The following FGF14 variants were observed in gnomAD, a reference collection of about 807,000 sequenced individuals.
FGF14 encodes the protein fibroblast growth factor 14.
In FGF14, 5 loss-of-function variants were observed where a neutral mutation model predicts 25.5. The ratio of observed to expected loss-of-function variants is 0.20; its 90% CI spans 0.10 to 0.41. FGF14 has a LOEUF of 0.41. Among genes scored for constraint, FGF14 ranks in the 10% least tolerant of loss-of-function variants. The pLI is 1.00. For synonymous variants in FGF14, 138 were observed against 118.3 expected, an observed-to-expected ratio of 1.17 and a Z score of -1.08; for missense variants, 222 against 320.1, an observed-to-expected ratio of 0.69 and a Z score of 2.34.
intron 3 of FGF14, among the ~76,000 whole-genome samples, chr13:101,727,346 T>A (rs1019078659): frequency 6.6e-6 from 1 of 152,120 alleles, no homozygotes; most frequent in East Asian, 1.9e-4. Context: ...TGCCAGCCAC[T>A]AGAGCTATTG....
intron 1 of FGF14, among the ~76,000 whole-genome samples, chr13:102,091,165 T>C (rs2044147233): frequency 6.6e-6 from 1 of 152,192 alleles, no homozygotes; most frequent in Non-Finnish European, 1.5e-5. Context: ...GTGGTTATAA[T>C]GGGTAACTCT....
At chr13:102,097,083 A>G (rs190071654) in intron 1 of FGF14, among the ~76,000 whole-genome samples, 1 of 152,184 alleles carries the variant, frequency 6.6e-6, no homozygotes, top group African/African-American at 2.4e-5. Context: ...CACAAAAACA[A>G]AAACCTATAT....
intron 1 of FGF14, among the ~76,000 whole-genome samples, chr13:101,962,628 A>T (rs566257530): frequency 2.6e-5 from 4 of 152,326 alleles, no homozygotes; most frequent in African/African-American, 9.6e-5. Context: ...TTTTCACTGA[A>T]ATTGTAAAAT....
chr13:102,282,731 A>T (rs2053906884), intron 1 of FGF14, among the ~76,000 whole-genome samples: 1 of 152,114 alleles, frequency 6.6e-6, no homozygotes, highest in South Asian at 2.1e-4. Flanking sequence ...TATTAGAAAC[A>T]CTTCACACCT....
At chr13:102,160,394 T>A (rs1224322643) in intron 1 of FGF14, among the ~76,000 whole-genome samples, 1 of 152,132 alleles carries the variant, frequency 6.6e-6, no homozygotes, top group Non-Finnish European at 1.5e-5. Context: ...AGCAGCCTCA[T>A]CAAACCACCT....
intron 1 of FGF14, among the ~76,000 whole-genome samples, chr13:101,932,013 A>T (rs2034783848): frequency 6.6e-6 from 1 of 152,232 alleles, no homozygotes; most frequent in African/African-American, 2.4e-5. Context: ...TCAATGCCAA[A>T]TATTAAGATA....
chr13:102,276,353 G>GTATA (rs10574334), intron 1 of FGF14, among the ~76,000 whole-genome samples: 48 of 103,284 alleles, frequency 4.6e-4, no homozygotes, highest in Admixed American at 7.7e-4. Context: ...GTGTGTGTGT[G>GTATA]TATATATATA....
At chr13:101,935,183 T>G (rs1266521419) in intron 1 of FGF14, among the ~76,000 whole-genome samples, 1 of 152,240 alleles carries the variant, frequency 6.6e-6, no homozygotes, top group Non-Finnish European at 1.5e-5. Flanking sequence ...TTTCCTGAAA[T>G]GAGGCTTAGG....
At chr13:102,238,622 G>A (rs1029121554) in intron 1 of FGF14, among the ~76,000 whole-genome samples, 19 of 152,158 alleles carry the variant, frequency 1.2e-4, no homozygotes, top group Non-Finnish European at 2.2e-4. Flanking sequence ...ATATTTTCAC[G>A]AGAAGTATTT....
chr13:102,364,835 CT>C (rs2057663958), intron 1 of FGF14, among the ~76,000 whole-genome samples: 1 of 152,138 alleles, frequency 6.6e-6, no homozygotes, highest in African/African-American at 2.4e-5. Flanking sequence ...AAACAACTGT[CT>C]ATGGGAGAAA....
intron 1 of FGF14, among the ~76,000 whole-genome samples, chr13:101,987,562 C>T (rs1158806075): frequency 6.6e-6 from 1 of 152,098 alleles, no homozygotes; most frequent in African/African-American, 2.4e-5. Context: ...CTTTTTATCA[C>T]ATAATTTATA....
At chr13:102,395,449 G>A (rs1376257798) in intron 1 of FGF14, 1 of 152,152 alleles carries the variant, frequency 6.6e-6, no homozygotes, top group Non-Finnish European at 1.5e-5. Flanking sequence ...AGACTGAGAA[G>A]GAAGCTATAA....
chr13:102,383,191 C>A (rs998587371), intron 1 of FGF14, among the ~76,000 whole-genome samples: 4 of 149,992 alleles, frequency 2.7e-5, no homozygotes, highest in African/African-American at 2.5e-5. Flanking sequence ...GAATTGTGAT[C>A]AATTATACCA....
At chr13:101,748,115 G>A (rs1464768113) in intron 3 of FGF14, among the ~76,000 whole-genome samples, 1 of 151,560 alleles carries the variant, frequency 6.6e-6, no homozygotes. Context: ...CCCACTACTG[G>A]GTCTATATCC....
chr13:101,915,199 C>T (rs954894562), intron 1 of FGF14, among the ~76,000 whole-genome samples: 3 of 152,036 alleles, frequency 2.0e-5, no homozygotes, highest in South Asian at 4.1e-4. Flanking sequence ...AATGTGACAA[C>T]AAGAAATTGT....
chr13:102,329,210 C>T (rs879540336), intron 1 of FGF14, among the ~76,000 whole-genome samples: 2 of 152,162 alleles, frequency 1.3e-5, no homozygotes, highest in Admixed American at 6.5e-5. Context: ...ATTAGTACAA[C>T]CCACTATTTG....
intron 1 of FGF14, among the ~76,000 whole-genome samples, chr13:102,358,968 A>G (rs1759541500): frequency 6.6e-6 from 1 of 152,196 alleles, no homozygotes; most frequent in Admixed American, 6.5e-5. Context: ...GTACATATAT[A>G]CCATGGAATA....
chr13:102,196,791 T>C (rs555812547), intron 1 of FGF14, among the ~76,000 whole-genome samples: 1 of 152,314 alleles, frequency 6.6e-6, no homozygotes, highest in Admixed American at 6.5e-5. Flanking sequence ...TTACTATTCC[T>C]GTCTACCAGA....
chr13:102,152,263 C>A (rs541571280), intron 1 of FGF14, among the ~76,000 whole-genome samples: 1 of 152,208 alleles, frequency 6.6e-6, no homozygotes, highest in Non-Finnish European at 1.5e-5. Flanking sequence ...GCAAAGGCTT[C>A]ACTGGTCATG....
Sources: gnomAD v4.1 joint callset for allele counts (sites outside exome capture counted in the v4.1 genomes callset) on GRCh38, gnomAD v4.1.1 for gene constraint, MANE v1.5 for transcripts, NCBI Gene and HGNC (gene_info 2026-07-23, HGNC 2026-07-21) for gene names.